The following DTD1 variants were observed in gnomAD, a reference collection of about 807,000 sequenced individuals.
The protein encoded by DTD1 is D-aminoacyl-tRNA deacylase 1, also known as D-tyrosyl-tRNA deacylase 1 homolog.
A neutral mutation model predicts 25.6 loss-of-function variants in DTD1; 13 were observed. The observed-to-expected ratio is 0.51, with a 90% CI of 0.33 to 0.81. The LOEUF (loss-of-function observed/expected upper bound fraction) is 0.81, where lower values mean the gene tolerates loss of function less well. Among genes scored for constraint, DTD1 ranks in the 30% least tolerant of loss-of-function variants. DTD1 has a pLI of 0.02. For missense variants in DTD1, 193 were observed against 266.4 expected (o/e 0.72, Z 1.92); for synonymous variants, 110 against 103.6 (o/e 1.06, Z -0.37).
intron 5 of DTD1, among the ~76,000 whole-genome samples, chr20:18,758,312 A>G (rs1393528299): frequency 6.6e-6 from 1 of 152,050 alleles, no homozygotes; most frequent in Non-Finnish European, 1.5e-5. Context: ...GCCTTCTGCT[A>G]GCTTTTGAAT....
intron 3 of DTD1, among the ~76,000 whole-genome samples, chr20:18,609,104 A>G (rs1346433109): frequency 6.6e-6 from 1 of 151,944 alleles, no homozygotes; most frequent in Non-Finnish European, 1.5e-5. Flanking sequence ...GAACTGCAGT[A>G]TCTGTTGCTC....
chr20:18,701,747 G>T (rs1226786892), intron 4 of DTD1, among the ~76,000 whole-genome samples: 2 of 152,218 alleles, frequency 1.3e-5, no homozygotes, highest in African/African-American at 4.8e-5. Flanking sequence ...TAGGCTTTCA[G>T]TAAATACTAA....
chr20:18,648,851 C>A (rs1455985884), intron 4 of DTD1, among the ~76,000 whole-genome samples: 1 of 151,650 alleles, frequency 6.6e-6, no homozygotes, highest in African/African-American at 2.4e-5. Context: ...AAAAAATTAG[C>A]CGGGTGTGGT....
In DTD1 at chr20:18,755,003, GT is replaced by G. The variant is rs533594621; in HGVS notation, c.*20-8355del. Among the ~76,000 whole-genome samples, 9 of 152,296 alleles carry G rather than the reference GT, an allele frequency of 5.9e-5. No individual in the cohort carries two copies. The South Asian group carries it at 1.9e-3, about 32-fold the overall frequency. Reference sequence around the variant, plus strand: ...GCATACCTAATGGATTGTCCTTCAGGTTAGATGCTTTATAAAGTTCTTATGC... The same window carrying G: ...GCATACCTAATGGATTGTCCTTCAGGTAGATGCTTTATAAAGTTCTTATGC... On this transcript the variant is annotated intron_variant, in intron 5 of 5. Coordinates refer to ENST00000377452, the MANE Select transcript of DTD1 (RefSeq NM_080820.6).
intron 4 of DTD1, among the ~76,000 whole-genome samples, chr20:18,743,552 T>C (rs1218394566): frequency 6.6e-6 from 1 of 151,282 alleles, no homozygotes; most frequent in Non-Finnish European, 1.5e-5. Context: ...CATGCACCTG[T>C]AGTCACAGAT....
intron 5 of DTD1, among the ~76,000 whole-genome samples, chr20:18,746,156 T>C (rs2061299167): frequency 6.6e-6 from 1 of 152,162 alleles, no homozygotes; most frequent in Non-Finnish European, 1.5e-5. Context: ...CCAATGGTGA[T>C]GCCAGTCGTC....
chr20:18,662,958 G>A (rs1396261393), intron 4 of DTD1, among the ~76,000 whole-genome samples: 2 of 152,132 alleles, frequency 1.3e-5, no homozygotes, highest in Non-Finnish European at 2.9e-5. Flanking sequence ...GTGGGAATGG[G>A]GAATGAGGGT....
intron 3 of DTD1, among the ~76,000 whole-genome samples, chr20:18,625,451 G>A (rs1047934580): frequency 6.6e-6 from 1 of 152,230 alleles, no homozygotes; most frequent in Non-Finnish European, 1.5e-5. Context: ...TCCCAGTGGT[G>A]GTTCACTGGC....
At chr20:18,648,362 G>A (rs1600342511) in intron 4 of DTD1, among the ~76,000 whole-genome samples, 1 of 152,146 alleles carries the variant, frequency 6.6e-6, no homozygotes, top group East Asian at 1.9e-4. Flanking sequence ...GATTCTCTGG[G>A]GATGGGACCA....
At chr20:18,752,263 A>G (rs1238412132) in intron 5 of DTD1, among the ~76,000 whole-genome samples, 1 of 152,164 alleles carries the variant, frequency 6.6e-6, no homozygotes, top group Non-Finnish European at 1.5e-5. Context: ...CAATACCCCT[A>G]GCTTCATTCA....
chr20:18,598,202 C>A (rs538268675), intron 3 of DTD1, among the ~76,000 whole-genome samples: 215 of 151,970 alleles, frequency 1.4e-3, no homozygotes, highest in Admixed American at 3.0e-3. Flanking sequence ...TTATTCAACT[C>A]CCACTTATAA....
intron 3 of DTD1, among the ~76,000 whole-genome samples, chr20:18,597,032 A>G (rs1450034907): frequency 1.3e-5 from 2 of 152,104 alleles, no homozygotes; most frequent in Non-Finnish European, 2.9e-5. Flanking sequence ...GTCTACCATT[A>G]CAGTATCATA....
intron 4 of DTD1, among the ~76,000 whole-genome samples, chr20:18,696,195 G>T (rs927597398): frequency 6.6e-6 from 1 of 152,082 alleles, no homozygotes; most frequent in Non-Finnish European, 1.5e-5. Context: ...TTCCAGGAGC[G>T]AGGGGAATGT....
chr20:18,712,012 C>T (rs1454985607), intron 4 of DTD1, among the ~76,000 whole-genome samples: 1 of 150,748 alleles, frequency 6.6e-6, no homozygotes, highest in African/African-American at 2.4e-5. Flanking sequence ...GAAGTGGTTG[C>T]AGTGAGCCAA....
At chr20:18,695,506 C>CCTTCTTCCCCTTCCCCTTCT (rs2061070801) in intron 4 of DTD1, among the ~76,000 whole-genome samples, 1 of 5,064 alleles carries the variant, frequency 2.0e-4, no homozygotes, top group Non-Finnish European at 4.3e-4. Flanking sequence ...TTTCCCTTCC[C>CCTTCTTCCCCTTCCCCTTCT]TTCCCTTCCC....
rs1015241301 is a variant in DTD1 at position 18,766,406 on chromosome 20, A to T, written c.*3066A>T. On this transcript the variant is annotated 3_prime_UTR_variant, in exon 6 of 6. Coordinates refer to ENST00000377452, the MANE Select transcript of DTD1 (RefSeq NM_080820.6). Reference sequence around the variant, plus strand: ...GTTAAACACCCTCATCTCAGAAGACATGGAATAATATCAAAAGTAAAGCCA... The same window carrying T: ...GTTAAACACCCTCATCTCAGAAGACTTGGAATAATATCAAAAGTAAAGCCA... 1 of 152,166 alleles carries T rather than the reference A, an allele frequency of 6.6e-6. No homozygotes were observed. The highest frequency in any genetic ancestry group is 1.5e-5 in the Non-Finnish European group (1 of 68,040). 9.4% of individuals were successfully genotyped at this position (152,166 alleles called of 1,614,324 possible). A position where few individuals can be genotyped will look rare whatever the true frequency, so the allele number is the denominator to read the frequency against.
At chr20:18,709,618 G>T (rs1233365179) in intron 4 of DTD1, among the ~76,000 whole-genome samples, 1 of 152,140 alleles carries the variant, frequency 6.6e-6, no homozygotes, top group African/African-American at 2.4e-5. Context: ...GCAATTGGGG[G>T]GACAGAATAC....
intron 5 of DTD1, among the ~76,000 whole-genome samples, chr20:18,759,510 A>T (rs1428438237): frequency 6.6e-6 from 1 of 152,158 alleles, no homozygotes; most frequent in Admixed American, 6.5e-5. Context: ...GTTTGGCTGG[A>T]TATGAAATTC....
intron 4 of DTD1, among the ~76,000 whole-genome samples, chr20:18,643,884 A>G (rs1385534922): frequency 6.6e-6 from 1 of 151,976 alleles, no homozygotes; most frequent in Non-Finnish European, 1.5e-5. Flanking sequence ...GTGTACATGC[A>G]CTTGTATGTG....
Sources: allele counts gnomAD v4.1 joint callset (sites outside exome capture counted in the v4.1 genomes callset), GRCh38; gene constraint gnomAD v4.1.1; transcripts MANE v1.5; gene names NCBI Gene and HGNC (gene_info 2026-07-23, HGNC 2026-07-21).